CHD9: variants seen among roughly 807,000 people sequenced by gnomAD.
CHD9 encodes chromodomain helicase DNA binding protein 9, also known as ATP-dependent chromatin remodeler CHD9.
CHD9 carries 77 observed loss-of-function variants against 316.1 expected under a neutral mutation model. That is an observed-to-expected ratio of 0.24 (90% CI 0.20 to 0.29). The LOEUF is 0.29. CHD9 is among the 10% of genes least tolerant of loss of function. The probability of loss-of-function intolerance (pLI) is 1.00; values close to 1 mark genes in which losing one functional copy is unlikely to be tolerated. For missense variants in CHD9, 2,763 were observed against 3,438.1 expected (o/e 0.80, Z 4.91); for synonymous variants, 1,129 against 1,158.3 (o/e 0.97, Z 0.51).
chr16:53,222,780 A>G, intron 4 of CHD9, 25 bp downstream of exon 4: 2 of 1,060,952 alleles, frequency 1.9e-6, no homozygotes, highest in Non-Finnish European at 2.8e-6. Flanking sequence ...TTTTTCTAGA[A>G]ATGAAACACT....
chr16:53,098,643 T>C (rs2036580815), intron 1 of CHD9, among the ~76,000 whole-genome samples: 1 of 152,120 alleles, frequency 6.6e-6, no homozygotes, highest in South Asian at 2.1e-4. Context: ...CCACCTCAAG[T>C]GTGACTCAAT....
At chr16:53,126,747 C>T (rs993726517) in intron 1 of CHD9, among the ~76,000 whole-genome samples, 1 of 151,968 alleles carries the variant, frequency 6.6e-6, no homozygotes, top group Non-Finnish European at 1.5e-5. Flanking sequence ...AGCACGATCT[C>T]GGCTCACTGC....
At chr16:53,194,034 C>T (rs2044690921) in intron 2 of CHD9, among the ~76,000 whole-genome samples, 1 of 152,062 alleles carries the variant, frequency 6.6e-6, no homozygotes, top group Non-Finnish European at 1.5e-5. Context: ...AGAAAGGGCA[C>T]TCTTGACAAC....
chr16:53,279,269 C>T (rs2053172271), intron 24 of CHD9, among the ~76,000 whole-genome samples: 1 of 151,586 alleles, frequency 6.6e-6, no homozygotes, highest in African/African-American at 2.4e-5. Flanking sequence ...ACAAAAAAAC[C>T]AAACACCACA....
rs769204023 is a variant in CHD9, at chr16:53,226,388, T to C, written c.1919T>C (p.Ile640Thr). ...CAGAAAAGAAGATCAAATCGACAAA[T>C]TAAAAGAAAAAAATACGCAGAAGAT... ...DSQKRRSNRQ[I>T]KRKKYAEDIE... The change falls in exon 5 of 39, where the codon ATT becomes ACT. Residue 640 changes from isoleucine (I) to threonine (T), a missense_variant. Physicochemically the swap from Ile to Thr is moderately conservative, Grantham distance 89. Coordinates refer to ENST00000447540, the MANE Select transcript of CHD9 (RefSeq NM_001308319.2). 5 of 1,572,926 alleles carry C rather than the reference T, an allele frequency of 3.2e-6. No homozygotes were observed. Among genetic ancestry groups the C allele is most frequent in the African/African-American group, 2.8e-5 (2 of 72,464 alleles).
chr16:53,242,487 T>G (rs925069897), intron 12 of CHD9, among the ~76,000 whole-genome samples: 1 of 152,206 alleles, frequency 6.6e-6, no homozygotes, highest in African/African-American at 2.4e-5. Context: ...CTCATTGGTG[T>G]AAGTAATAAG....
At chr16:53,110,818 G>A (rs2037807271) in intron 1 of CHD9, among the ~76,000 whole-genome samples, 1 of 152,178 alleles carries the variant, frequency 6.6e-6, no homozygotes, top group Non-Finnish European at 1.5e-5. Context: ...ATTTTGAGAT[G>A]CTGGCAACTG....
chr16:53,238,426 G>A lies in CHD9; in HGVS notation c.2717G>A (p.Gly906Asp), dbSNP rs1213461387. Reference protein sequence around the residue: ...ITFLYEILLTGIRGPFLIIAP... With the variant: ...ITFLYEILLTDIRGPFLIIAP... ...TTCCTCTATGAAATCCTTCTGACTG[G>A]TATAAGAGGACCTTTCCTGATTATT... The change falls in exon 12 of 39, where the codon GGT becomes GAT. Residue 906 changes from glycine to aspartate, a missense_variant. Physicochemically the swap from Gly to Asp is moderately conservative, Grantham distance 94. Around this residue, in one of 15 missense-constraint regions of CHD9, gnomAD observed 186 missense variants for 245.0 expected, o/e 0.76. Transcript: ENST00000447540. 20 of 1,613,070 alleles carry A rather than the reference G, an allele frequency of 1.2e-5. No individual in the cohort carries two copies. Among genetic ancestry groups the A allele is most frequent in the Non-Finnish European group, 1.7e-5 (20 of 1,179,304 alleles).
intron 1 of CHD9, among the ~76,000 whole-genome samples, chr16:53,132,947 T>TA (rs2152686779): frequency 6.6e-6 from 1 of 152,224 alleles, no homozygotes; most frequent in East Asian, 1.9e-4. Flanking sequence ...TAGCTGGGAT[T>TA]ACAGGTGCGC....
chr16:53,183,859 A>G (rs1212296871), intron 2 of CHD9, among the ~76,000 whole-genome samples: 1 of 152,164 alleles, frequency 6.6e-6, no homozygotes, highest in Non-Finnish European at 1.5e-5. Context: ...AATCTTTCCA[A>G]ACTTTAGTGT....
intron 1 of CHD9, chr16:53,131,339 C>T: frequency 8.4e-6 from 1 of 118,938 alleles, no homozygotes; most frequent in South Asian, 2.6e-4. Context: ...CGCCGCTGCT[C>T]GGCCGGTGGG....
chr16:53,125,330 TC>T lies in CHD9; in HGVS notation c.-164-30592del, dbSNP rs565446377. On this transcript the variant is annotated intron_variant, in intron 1 of 38. Coordinates refer to ENST00000447540, the MANE Select transcript of CHD9 (RefSeq NM_001308319.2). ...CCTCCACCTCCTGGGTTCAAGCAAT[TC>T]CCCTGCCTCAGCCTCCCGAGTAGCT... 1.1e-4 allele frequency among the ~76,000 whole-genome samples: 17 copies of T among 150,842 alleles called. No individual in the cohort carries two copies. The South Asian group carries it at 3.6e-3, about 32-fold the overall frequency.
chr16:53,120,815 G>A (rs2038692861), intron 1 of CHD9, among the ~76,000 whole-genome samples: 1 of 151,562 alleles, frequency 6.6e-6, no homozygotes, highest in Non-Finnish European at 1.5e-5. Flanking sequence ...GAGCAGCCTG[G>A]CCAACATGGT....
chr16:53,211,859 T>C (rs2046360101), intron 3 of CHD9, among the ~76,000 whole-genome samples: 1 of 152,226 alleles, frequency 6.6e-6, no homozygotes, highest in South Asian at 2.1e-4. Flanking sequence ...ATTACTGTGC[T>C]TTCCAATAAG....
intron 22 of CHD9, among the ~76,000 whole-genome samples, chr16:53,269,233 TAATTA>T (rs1157144901): frequency 3.3e-4 from 51 of 152,310 alleles, no homozygotes; most frequent in Admixed American, 2.9e-3. Context: ...TTGCATGAAA[TAATTA>T]TTTTATAGCA....
Position 53,224,024 on chromosome 16 carries a change from TG to T in CHD9, c.1896+1270del, listed in dbSNP as rs1019198539. ...CCTAAATTAAAAAGAAATATGCCCC[TG>T]CAACAGAGTATACTATTAGGAATAT... On this transcript the variant is annotated intron_variant, in intron 4 of 38. Transcript: ENST00000447540. Among the ~76,000 whole-genome samples the T allele has an allele frequency of 1.1e-4, 17 of 152,130 alleles. 1 individual carries two copies. Among genetic ancestry groups the T allele is most frequent in the African/African-American group, 4.1e-4 (17 of 41,444 alleles).
intron 1 of CHD9, among the ~76,000 whole-genome samples, chr16:53,062,469 C>A (rs2033018300): frequency 6.6e-6 from 1 of 152,136 alleles, no homozygotes; most frequent in Non-Finnish European, 1.5e-5. Context: ...AGGCCAGGTG[C>A]AGTGGCTCAT....
At chr16:53,270,161 A>ATTT (rs757513307) in intron 22 of CHD9, among the ~76,000 whole-genome samples, 50 of 118,594 alleles carry the variant, frequency 4.2e-4, no homozygotes, top group African/African-American at 1.5e-3. Context: ...CACCTGGCTA[A>ATTT]TTTTTTTTTT....
Position 53,247,445 on chromosome 16 carries a change from A to G in CHD9, c.3607A>G (p.Ile1203Val). The change falls in exon 16 of 39, where the codon ATC (isoleucine) becomes GTC (valine). Residue 1203 changes from isoleucine (I) to valine (V), a missense_variant. Physicochemically the swap from Ile to Val is conservative, Grantham distance 29. Around this residue, in one of 15 missense-constraint regions of CHD9, gnomAD observed 155 missense variants for 291.8 expected, o/e 0.53. Coordinates refer to ENST00000447540, the MANE Select transcript of CHD9 (RefSeq NM_001308319.2). ...KMKAGGHKVL[I>V]FSQMVRCLDI... ...GAAAGCCGGAGGTCATAAAGTGCTCATCTTCTCTCAAATGGTTCGTTGCCT... is the reference window on the plus strand; with the variant it reads ...GAAAGCCGGAGGTCATAAAGTGCTCGTCTTCTCTCAAATGGTTCGTTGCCT... The G allele has an allele frequency of 1.2e-6, 2 of 1,608,546 alleles. No homozygotes were observed. The highest frequency in any genetic ancestry group is 1.7e-6 in the Non-Finnish European group (2 of 1,177,086).
Sources: allele counts gnomAD v4.1 joint callset (sites outside exome capture counted in the v4.1 genomes callset), GRCh38; gene constraint gnomAD v4.1.1; regional missense constraint gnomAD v4.1.1; transcripts MANE v1.5; gene names NCBI Gene and HGNC (gene_info 2026-07-23, HGNC 2026-07-21).